Variants in SMARCA4 observed in about 807,000 individuals in gnomAD.
SMARCA4 encodes SWI/SNF-related matrix-associated actin-dependent regulator of chromatin subfamily A member 4.
SMARCA4 carries 31 observed loss-of-function variants against 193.9 expected under a neutral mutation model. The observed-to-expected ratio is 0.16, with a 90% CI of 0.12 to 0.22. SMARCA4 has a LOEUF of 0.22. Ranked by LOEUF, SMARCA4 falls within the 10% of genes least tolerant of loss-of-function variation. SMARCA4 has a pLI of 1.00. For synonymous variants in SMARCA4, 942 were observed against 933.1 expected, an observed-to-expected ratio of 1.01 and a Z score of -0.17; for missense variants, 1,148 against 2,296.0, an observed-to-expected ratio of 0.50 and a Z score of 10.22.
intron 1 of SMARCA4, among the ~76,000 whole-genome samples, chr19:10,981,319 CAG>C (rs2085534958): frequency 6.6e-6 from 1 of 152,236 alleles, no homozygotes; most frequent in African/African-American, 2.4e-5. Flanking sequence ...ATCCTCCCTG[CAG>C]ACATACCCAT....
intron 1 of SMARCA4, among the ~76,000 whole-genome samples, chr19:10,983,119 T>TCTTCAGCCAGCGAGGGC (rs756456388): frequency 1.4e-3 from 211 of 152,296 alleles, no homozygotes; most frequent in African/African-American, 4.6e-3. Context: ...TGTGGGTGCG[T>TCTTCAGCCAGCGAGGGC]CTTCAGCCAG....
At chr19:11,060,243 G>A (rs2076788787) in intron 34 of SMARCA4, 56 bp downstream of exon 34, 1 of 1,544,478 alleles carries the variant, frequency 6.5e-7, no homozygotes, top group East Asian at 2.4e-5. Context: ...GCATCCCGGG[G>A]CCCTGATGGG....
chr19:11,047,104 G>A (rs182921609), intron 30 of SMARCA4, among the ~76,000 whole-genome samples: 10 of 152,310 alleles, frequency 6.6e-5, no homozygotes. Context: ...AGGGTCCACA[G>A]GGTGGGAAAA....
At position 10,996,420 on chromosome 19, in the gene SMARCA4, G is replaced by GGGAGCAGCC. The variant is rs779552970; in HGVS notation, c.1761+42_1761+50dup. On this transcript the variant is annotated intron_variant, in intron 10 of 34. Transcript: ENST00000344626. ...GCATGGTGCCCGCCGCGGGTGGGAT[G>GGGAGCAGCC]GGAGCAGCCGTCTTCACGTGTGTGG... The GGGAGCAGCC allele has an allele frequency of 2.5e-6, 4 of 1,613,746 alleles. No homozygotes were observed. In the South Asian group the frequency reaches 4.4e-5, roughly 18 times the overall value.
chr19:10,972,986 G>C (rs1219121648), intron 1 of SMARCA4, among the ~76,000 whole-genome samples: 11 of 152,122 alleles, frequency 7.2e-5, no homozygotes. Context: ...GTGTGCGCCT[G>C]TAGTTCCAGC....
At chr19:11,018,467 G>A (rs2089570069) in intron 16 of SMARCA4, 1 of 281,600 alleles carries the variant, frequency 3.6e-6, no homozygotes, top group Admixed American at 4.6e-5. Context: ...CCTGAGCCAG[G>A]CCCCGCCTCG....
Position 11,014,070 on chromosome 19 carries a change from G to T in SMARCA4, c.2438+958G>T, listed in dbSNP as rs550916461. ...GCAAGCAGACAGTCACCGGCCTGGG[G>T]GTTAGTCTGGTCTGATTGGGCAAAC... On this transcript the variant is annotated intron_variant, in intron 16 of 34. Coordinates refer to ENST00000344626, the MANE Select transcript of SMARCA4 (RefSeq NM_003072.5). 4.0e-4 allele frequency among the ~76,000 whole-genome samples: 61 copies of T among 152,254 alleles called. No individual in the cohort carries two copies. The South Asian group carries it at 0.012, about 30-fold the overall frequency.
At chr19:11,010,598 G>T (rs1213115145) in intron 15 of SMARCA4, 67 bp downstream of exon 15, 2 of 1,519,316 alleles carry the variant, frequency 1.3e-6, no homozygotes, top group Non-Finnish European at 1.8e-6. Flanking sequence ...CAGGTGGTGC[G>T]GGCTTCAGAC....
intron 1 of SMARCA4, among the ~76,000 whole-genome samples, chr19:10,963,387 A>G (rs967278187): frequency 4.0e-4 from 61 of 150,914 alleles, no homozygotes; most frequent in East Asian, 2.5e-3. Context: ...AAAAAAAAAA[A>G]AAAAGAAAAA....
chr19:10,996,668 C>T, intron 11 of SMARCA4, 124 bp downstream of exon 11: 2 of 972,072 alleles, frequency 2.1e-6, no homozygotes, highest in South Asian at 1.3e-5. Context: ...GTGAGAATCC[C>T]AGGGTGTCCT....
At chr19:11,018,861 T>A in intron 16 of SMARCA4, 96 bp from the exon 17 acceptor site, 2 of 982,578 alleles carry the variant, frequency 2.0e-6, no homozygotes, top group Non-Finnish European at 3.3e-6. Flanking sequence ...GCTGTGGCCA[T>A]GTTGGCCTCG....
At chr19:10,995,079 G>T (rs748618042) in intron 9 of SMARCA4, 78 bp downstream of exon 9, 5 of 1,346,290 alleles carry the variant, frequency 3.7e-6, no homozygotes, top group Non-Finnish European at 5.2e-6. Flanking sequence ...ACTCCCCAGG[G>T]TTACGCCAAG....
intron 23 of SMARCA4, among the ~76,000 whole-genome samples, chr19:11,027,362 G>A (rs979057683): frequency 6.6e-6 from 1 of 152,156 alleles, no homozygotes; most frequent in Non-Finnish European, 1.5e-5. Context: ...AGAAGCCGAG[G>A]TGGCCCTTCC....
intron 16 of SMARCA4, among the ~76,000 whole-genome samples, chr19:11,013,692 G>C (rs2089077646): frequency 6.6e-6 from 1 of 152,116 alleles, no homozygotes; most frequent in African/African-American, 2.4e-5. Flanking sequence ...GGAGTCGCAG[G>C]AGACAAGAAC....
At position 11,061,765 on chromosome 19, in the gene SMARCA4, C is replaced by T. The variant is rs2147157216; in HGVS notation, c.4912-19C>T. On this transcript the variant is annotated intron_variant, in intron 34 of 34. Coordinates refer to ENST00000344626, the MANE Select transcript of SMARCA4 (RefSeq NM_003072.5). ...CAGGGGTGGCCAACGCACACTCTCT[C>T]CTCCTGTCCCCTCTCCAGGACCGCT... 1 of 1,613,074 alleles carries T rather than the reference C, an allele frequency of 6.2e-7. No homozygotes were observed. The highest frequency in any genetic ancestry group is 2.2e-5 in the East Asian group (1 of 44,876).
At chr19:11,050,706 T>A (rs2076210108) in intron 30 of SMARCA4, among the ~76,000 whole-genome samples, 2 of 152,258 alleles carry the variant, frequency 1.3e-5, no homozygotes, top group Admixed American at 1.3e-4. Flanking sequence ...TCTGAATGTT[T>A]CAGACCTGCC....
chr19:11,035,323 T>G (rs932091206), intron 29 of SMARCA4, among the ~76,000 whole-genome samples, 191 bp downstream of exon 29: 1 of 152,212 alleles, frequency 6.6e-6, no homozygotes, highest in Non-Finnish European at 1.5e-5. Flanking sequence ...TGGCTCTGCC[T>G]TGGAATGCAA....
Position 10,984,391 on chromosome 19 carries a change from C to T in SMARCA4, c.222+18C>T, listed in dbSNP as rs180832203. On this transcript the variant is annotated intron_variant, in intron 2 of 34. Transcript: ENST00000344626. This position sits in a 1 kb window ranked among gnomAD's most constrained non-coding sequence, Gnocchi z 4.3. ...TGCACAAGGTAGGGATCCCTGTGCC[C>T]GCCTCGCACCTGCGGCCTCTGCCCA... 5.1e-3 allele frequency: 7,929 copies of T among 1,562,620 alleles called. 37 individuals are homozygous for T. The highest frequency in any genetic ancestry group is 0.011 in the South Asian group (905 of 85,240).
Position 10,985,430 on chromosome 19 carries a change from C to G in SMARCA4, c.355+25C>G, listed in dbSNP as rs778779846. 4.3e-6 allele frequency: 7 copies of G among 1,612,684 alleles called. No homozygotes were observed. In the South Asian group the frequency reaches 7.7e-5, roughly 18 times the overall value. On this transcript the variant is annotated intron_variant, in intron 3 of 34. Transcript: ENST00000344626. The surrounding 1 kb of genome is among the most constrained non-coding windows in gnomAD (Gnocchi z 4.5). The stretch of plus-strand genomic sequence containing the variant: ...GGTACAGAACTGCGTTCCTTCCTGC[C>G]TTGTGTTTGTCATACTCCAGAGTCC...
Sources: gnomAD v4.1 joint callset for allele counts (sites outside exome capture counted in the v4.1 genomes callset) on GRCh38, gnomAD v4.1.1 for gene constraint, Gnocchi (gnomAD v3.1) non-coding constraint, MANE v1.5 for transcripts, NCBI Gene and HGNC (gene_info 2026-07-23, HGNC 2026-07-21) for gene names.